The following CEP128 variants were observed in gnomAD, a reference collection of about 807,000 sequenced individuals.
The protein encoded by CEP128 is centrosomal protein 128kDa.
CEP128 carries 132 observed loss-of-function variants against 156.7 expected under a neutral mutation model. The observed-to-expected ratio is 0.84, with a 90% CI of 0.73 to 0.97. The LOEUF (loss-of-function observed/expected upper bound fraction) is 0.97. Ranked by LOEUF, CEP128 falls within the 50% of genes least tolerant of loss-of-function variation. CEP128 has a pLI of 0.00. For missense variants in CEP128, 1,252 were observed against 1,281.9 expected (o/e 0.98, Z 0.36); for synonymous variants, 469 against 448.9 (o/e 1.04, Z -0.57).
Position 80,530,868 on chromosome 14 carries a change from C to T in CEP128, c.2899G>A (p.Asp967Asn). 1 of 1,606,398 alleles carries T rather than the reference C, an allele frequency of 6.2e-7. No individual in the cohort carries two copies. The highest frequency in any genetic ancestry group is 8.5e-7 in the Non-Finnish European group (1 of 1,175,792). Residue 967 changes from aspartate (D) to asparagine (N), a missense_variant, in exon 22 of 25, where the codon GAC (aspartate) becomes AAC (asparagine). Physicochemically the swap from Asp to Asn is conservative, Grantham distance 23 (BLOSUM62 1). Transcript: ENST00000555265. ...TTCTCAGGCACAGACTCCAGATGGT[C>T]CAAGGCCACTTGGGTACTCTGAAAT... ...ALETSTQVAL[D>N]HLESVPEKLS...
At chr14:80,869,007 G>T (rs913950633) in intron 8 of CEP128, among the ~76,000 whole-genome samples, 1 of 152,026 alleles carries the variant, frequency 6.6e-6, no homozygotes, top group Admixed American at 6.5e-5. Flanking sequence ...AATCTTAATA[G>T]ATCTGAAGAA....
intron 23 of CEP128, among the ~76,000 whole-genome samples, chr14:80,523,479 G>A (rs1230548049): frequency 1.3e-5 from 2 of 152,122 alleles, no homozygotes; most frequent in Non-Finnish European, 2.9e-5. Flanking sequence ...CTAAGGGTTG[G>A]TAATGTTTTT....
At chr14:80,597,675 G>C (rs1432276363) in intron 19 of CEP128, among the ~76,000 whole-genome samples, 2 of 151,138 alleles carry the variant, frequency 1.3e-5, no homozygotes, top group Non-Finnish European at 3.0e-5. Context: ...TTTCTCCTGA[G>C]CATAGAAAAC....
intron 9 of CEP128, among the ~76,000 whole-genome samples, chr14:80,849,378 C>CTTTG (rs1310706725): frequency 2.6e-5 from 4 of 152,166 alleles, no homozygotes; most frequent in Non-Finnish European, 5.9e-5. Context: ...CTTTGAATCA[C>CTTTG]AGCATCACTG....
chr14:80,614,596 T>C (rs1893135992), intron 19 of CEP128, among the ~76,000 whole-genome samples: 1 of 152,134 alleles, frequency 6.6e-6, no homozygotes, highest in African/African-American at 2.4e-5. Flanking sequence ...CCTCCAACCA[T>C]AAAAAACCCT....
intron 21 of CEP128, among the ~76,000 whole-genome samples, chr14:80,549,655 A>G (rs1226513075): frequency 6.6e-6 from 1 of 152,196 alleles, no homozygotes; most frequent in Non-Finnish European, 1.5e-5. Context: ...TTACATTATC[A>G]AGTCAGTTGT....
intron 19 of CEP128, among the ~76,000 whole-genome samples, chr14:80,602,540 G>C (rs1299873420): frequency 6.6e-6 from 1 of 152,176 alleles, no homozygotes; most frequent in Non-Finnish European, 1.5e-5. Context: ...GGGAGGCCAA[G>C]GTAGGTGGAT....
chr14:80,796,691 T>C (rs1401890961), intron 13 of CEP128, among the ~76,000 whole-genome samples: 1 of 152,208 alleles, frequency 6.6e-6, no homozygotes, highest in African/African-American at 2.4e-5. Context: ...TCATCCCACC[T>C]ACACAATACC....
At chr14:80,669,444 G>A (rs1372448113) in intron 19 of CEP128, among the ~76,000 whole-genome samples, 1 of 151,886 alleles carries the variant, frequency 6.6e-6, no homozygotes, top group African/African-American at 2.4e-5. Flanking sequence ...AGATTTACAT[G>A]AAAGTCAAAC....
chr14:80,919,530 T>C (rs2064218182), intron 2 of CEP128, among the ~76,000 whole-genome samples: 2 of 152,150 alleles, frequency 1.3e-5, no homozygotes, highest in Admixed American at 6.6e-5. Flanking sequence ...ATCACTAGCA[T>C]GATTTCATGT....
chr14:80,750,462 T>C (rs779350950), intron 18 of CEP128, among the ~76,000 whole-genome samples: 1 of 152,208 alleles, frequency 6.6e-6, no homozygotes, highest in Non-Finnish European at 1.5e-5. Flanking sequence ...TTTATGCAAT[T>C]GTCTGAGTTT....
chr14:80,851,384 G>A lies in CEP128; in HGVS notation c.763-10616C>T, dbSNP rs7149737. ...GCGATTTTAGAAGGCGAGGAGGAAC[G>A]GGAAAGTTTTCCCTAAAGAGGTCAC... On this transcript the variant is annotated intron_variant, in intron 9 of 24. Coordinates refer to ENST00000555265, the MANE Select transcript of CEP128 (RefSeq NM_152446.5). Among the ~76,000 whole-genome samples the A allele has an allele frequency of 1.9e-3, 285 of 152,214 alleles. 2 individuals carry two copies. The highest frequency in any genetic ancestry group is 6.6e-3 in the African/African-American group (273 of 41,536).
chr14:80,529,124 A>G (rs1594952682), intron 22 of CEP128, among the ~76,000 whole-genome samples: 1 of 152,326 alleles, frequency 6.6e-6, no homozygotes, highest in East Asian at 1.9e-4. Context: ...GTCCTCATCT[A>G]TAAAATGGGT....
At chr14:80,550,965 T>C (rs1890186589) in intron 21 of CEP128, among the ~76,000 whole-genome samples, 1 of 152,148 alleles carries the variant, frequency 6.6e-6, no homozygotes, top group Non-Finnish European at 1.5e-5. Flanking sequence ...TTCATTTCTA[T>C]TCCCATTATT....
At chr14:80,948,773 T>C (rs1352651086) in intron 2 of CEP128, among the ~76,000 whole-genome samples, 19 of 152,212 alleles carry the variant, frequency 1.2e-4, no homozygotes, top group Non-Finnish European at 8.8e-5. Flanking sequence ...ATCACAAAGA[T>C]TGGTCATCAT....
At chr14:80,792,698 G>A in intron 14 of CEP128, 62 bp downstream of exon 14, 2 of 1,355,446 alleles carry the variant, frequency 1.5e-6, no homozygotes, top group Admixed American at 1.8e-5. Context: ...TTTTTCAAAG[G>A]ATAGATGAAT....
intron 19 of CEP128, among the ~76,000 whole-genome samples, chr14:80,662,344 C>A (rs1341177402): frequency 6.6e-6 from 1 of 152,068 alleles, no homozygotes; most frequent in Non-Finnish European, 1.5e-5. Context: ...TGAGTTTATG[C>A]CTAAGAAATA....
At chr14:80,804,484 T>A (rs1457133741) in intron 13 of CEP128, among the ~76,000 whole-genome samples, 2 of 152,136 alleles carry the variant, frequency 1.3e-5, no homozygotes, top group African/African-American at 2.4e-5. Context: ...TTCAATTAAT[T>A]ATCTATAATA....
downstream of CEP128, among the ~76,000 whole-genome samples, chr14:80,493,670 C>G (rs1287118748): frequency 6.6e-6 from 1 of 152,094 alleles, no homozygotes; most frequent in Non-Finnish European, 1.5e-5. Context: ...AAAAGAAATG[C>G]AGGGGCTACA....
Sources: allele counts gnomAD v4.1 joint callset (sites outside exome capture counted in the v4.1 genomes callset), GRCh38; gene constraint gnomAD v4.1.1; transcripts MANE v1.5; gene names NCBI Gene and HGNC (gene_info 2026-07-23, HGNC 2026-07-21).